Variants in TTF1 observed in about 807,000 individuals in gnomAD.
TTF1 encodes the protein transcription termination factor 1.
Under a neutral mutation model 80.2 loss-of-function variants are expected in TTF1, and 64 were observed. The ratio of observed to expected loss-of-function variants is 0.80; its 90% CI spans 0.65 to 0.98. The LOEUF (loss-of-function observed/expected upper bound fraction) is 0.98, where lower values mean the gene tolerates loss of function less well. Ranked by LOEUF, TTF1 falls within the 50% of genes least tolerant of loss-of-function variation. TTF1 has a pLI of 0.00. For synonymous variants in TTF1, 372 were observed against 382.7 expected (o/e 0.97, Z 0.33); for missense variants, 1,023 against 1,086.2 (o/e 0.94, Z 0.82).
chr9:132,382,877 C>G (rs1458714843), intron 9 of TTF1, among the ~76,000 whole-genome samples: 5 of 151,690 alleles, frequency 3.3e-5, no homozygotes, highest in African/African-American at 1.2e-4. Context: ...ACCAGCCTGG[C>G]CAACATGGTG....
chr9:132,402,549 A>C lies in TTF1; in HGVS notation c.273T>G (p.Tyr91Ter). 1 of 1,614,200 alleles carries C rather than the reference A, an allele frequency of 6.2e-7. No individual in the cohort carries two copies. The highest frequency in any genetic ancestry group is 8.5e-7 in the Non-Finnish European group (1 of 1,180,044). ...STLKKRKKRR[Y>*]SALEVDEEAG... ...CTTCCTCGTCCACCTCCAAAGCACTATATCTTCTCTTTTTTCTCTTTTTGA... is the reference window on the plus strand; with the variant it reads ...CTTCCTCGTCCACCTCCAAAGCACTCTATCTTCTCTTTTTTCTCTTTTTGA... The change falls in exon 2 of 11, where the codon TAT becomes TAG. Residue 91 changes from tyrosine (Y) to a stop codon, truncating the protein, a stop_gained. Transcript: ENST00000334270. LOFTEE classifies it high-confidence loss of function.
chr9:132,392,246 T>C (rs759695262), intron 5 of TTF1, 40 bp from the exon 6 acceptor site: 22 of 1,611,420 alleles, frequency 1.4e-5, no homozygotes, highest in Non-Finnish European at 1.8e-5. Context: ...TTAAACGAAC[T>C]ATCAGATTAA....
chr9:132,392,942 G>A (rs561330571), intron 5 of TTF1, among the ~76,000 whole-genome samples: 3 of 152,092 alleles, frequency 2.0e-5, no homozygotes, highest in South Asian at 2.1e-4. Flanking sequence ...TTTTACATTC[G>A]GTTCTTCATC....
chr9:132,403,324 G>A (rs1849803169), intron 1 of TTF1, among the ~76,000 whole-genome samples: 1 of 152,038 alleles, frequency 6.6e-6, no homozygotes, highest in South Asian at 2.1e-4. Flanking sequence ...TTATGATAGA[G>A]AAAAAAAGAG....
At chr9:132,385,911 G>A (rs182279845) in intron 9 of TTF1, among the ~76,000 whole-genome samples, 3 of 152,236 alleles carry the variant, frequency 2.0e-5, no homozygotes, top group African/African-American at 7.2e-5. Flanking sequence ...GCTCTACCAG[G>A]CAAGGAACTT....
At chr9:132,387,275 T>G (rs567726045) in intron 8 of TTF1, among the ~76,000 whole-genome samples, 76 of 152,074 alleles carry the variant, frequency 5.0e-4, no homozygotes, top group African/African-American at 1.8e-3. Context: ...GTGCGCAAAT[T>G]CATTTACAGT....
intron 7 of TTF1, among the ~76,000 whole-genome samples, chr9:132,389,330 C>G (rs1849521776): frequency 6.6e-6 from 1 of 151,668 alleles, no homozygotes; most frequent in African/African-American, 2.4e-5. Flanking sequence ...TTACAGATGC[C>G]CGCCATCCCG....
chr9:132,380,146 T>C (rs1849343692), intron 9 of TTF1, among the ~76,000 whole-genome samples: 1 of 152,156 alleles, frequency 6.6e-6, no homozygotes, highest in Non-Finnish European at 1.5e-5. Context: ...CTCAGTTCAC[T>C]GCAACTTCTG....
At chr9:132,393,290 T>C (rs1236498272) in intron 5 of TTF1, among the ~76,000 whole-genome samples, 1 of 147,742 alleles carries the variant, frequency 6.8e-6, no homozygotes, top group Non-Finnish European at 1.5e-5. Context: ...AAACTGGCCA[T>C]AAACAGAATC....
chr9:132,379,877 C>T (rs1456930726), intron 9 of TTF1, among the ~76,000 whole-genome samples: 3 of 152,116 alleles, frequency 2.0e-5, no homozygotes, highest in Non-Finnish European at 4.4e-5. Flanking sequence ...ACTTTTTGGG[C>T]ACTTTTTCCT....
At chr9:132,385,443 C>A (rs911270752) in intron 9 of TTF1, among the ~76,000 whole-genome samples, 26 of 152,208 alleles carry the variant, frequency 1.7e-4, no homozygotes, top group African/African-American at 5.8e-4. Flanking sequence ...TCCCCTGAGG[C>A]GTGGGAGTCT....
intron 9 of TTF1, among the ~76,000 whole-genome samples, chr9:132,385,933 A>C (rs923838248): frequency 2.6e-5 from 4 of 152,204 alleles, no homozygotes; most frequent in Admixed American, 6.5e-5. Flanking sequence ...TCTTTTGTTC[A>C]ATGCTGTATC....
At chr9:132,402,919 G>A (rs2131657052) in intron 1 of TTF1, 91 bp from the exon 2 acceptor site, 6 of 1,281,720 alleles carry the variant, frequency 4.7e-6, no homozygotes, top group East Asian at 2.4e-5. Context: ...GCAGTGGCGC[G>A]ATCTCGGCTC....
chr9:132,395,090 G>A (rs1410277525), intron 5 of TTF1, among the ~76,000 whole-genome samples: 1 of 152,050 alleles, frequency 6.6e-6, no homozygotes, highest in Non-Finnish European at 1.5e-5. Context: ...TACCCGGGAG[G>A]CTGAGACAGG....
intron 2 of TTF1, 133 bp downstream of exon 2, chr9:132,401,322 A>G: frequency 1.2e-6 from 1 of 843,152 alleles, no homozygotes; most frequent in Non-Finnish European, 1.5e-6. Context: ...GCAAATCTCC[A>G]CCTCAAAAAT....
Position 132,390,754 on chromosome 9 carries a change from T to A in TTF1, c.2065A>T (p.Met689Leu), listed in dbSNP as rs1423831342. ...ACCTCTTTTAACTCCTGGGGAGACA[T>A]CTTCTTCAGAATCACTTCTTCGACA... Reference protein sequence around the residue: ...KAVEEVILKKMSPQELKEVDS... With the variant: ...KAVEEVILKKLSPQELKEVDS... The change falls in exon 7 of 11, where the codon ATG (methionine) becomes TTG (leucine). Residue 689 changes from methionine (M) to leucine (L), a missense_variant. By Grantham distance (15) the Met-to-Leu change is conservative (BLOSUM62 2). Coordinates refer to ENST00000334270, the MANE Select transcript of TTF1 (RefSeq NM_007344.4). 1 of 1,614,084 alleles carries A rather than the reference T, an allele frequency of 6.2e-7. No individual in the cohort carries two copies. Among genetic ancestry groups the A allele is most frequent in the Non-Finnish European group, 8.5e-7 (1 of 1,180,034 alleles).
chr9:132,386,727 G>T (rs773533059), intron 8 of TTF1, 106 bp from the exon 9 acceptor site: 80 of 857,830 alleles, frequency 9.3e-5, no homozygotes, highest in Non-Finnish European at 1.4e-4. Flanking sequence ...CGCTTTCGCC[G>T]CATTCCAGCT....
At position 132,402,097 on chromosome 9, in the gene TTF1, G is replaced by T; in HGVS notation, c.725C>A (p.Ala242Glu). ...CATATCAGTCCCGGCCTCTCTGCCTGCTTGCGATCCTTCAGGCATGGCCAG... is the reference window on the plus strand; with the variant it reads ...CATATCAGTCCCGGCCTCTCTGCCTTCTTGCGATCCTTCAGGCATGGCCAG... ...ETLAMPEGSQ[A>E]GREAGTDMQE... The change falls in exon 2 of 11, where the codon GCA (alanine) becomes GAA (glutamate). Residue 242 changes from alanine to glutamate, a missense_variant. Ala to Glu is a moderately radical substitution (Grantham distance 107). Coordinates refer to ENST00000334270, the MANE Select transcript of TTF1 (RefSeq NM_007344.4). 1.2e-6 allele frequency: 2 copies of T among 1,613,768 alleles called. No homozygotes were observed. Among genetic ancestry groups the T allele is most frequent in the South Asian group, 2.2e-5 (2 of 91,064 alleles).
chr9:132,383,046 CAA>C (rs1438830290), intron 9 of TTF1, among the ~76,000 whole-genome samples: 2 of 134,472 alleles, frequency 1.5e-5, no homozygotes, highest in Non-Finnish European at 3.1e-5. Context: ...GCCTGGGCAA[CAA>C]GAGTGAAAAT....
Sources: allele counts gnomAD v4.1 joint callset (sites outside exome capture counted in the v4.1 genomes callset), GRCh38; gene constraint gnomAD v4.1.1; transcripts MANE v1.5; gene names NCBI Gene and HGNC (gene_info 2026-07-23, HGNC 2026-07-21).